The following SOX5 variants were observed in gnomAD, a reference collection of about 807,000 sequenced individuals.
SOX5 encodes the protein transcription factor SOX-5.
A neutral mutation model predicts 92.0 loss-of-function variants in SOX5; 9 were observed. That is an observed-to-expected ratio of 0.10 (90% CI 0.06 to 0.17). The LOEUF (loss-of-function observed/expected upper bound fraction) is 0.17. SOX5 is among the 10% of genes least tolerant of loss of function. SOX5 has a pLI of 1.00. For synonymous variants in SOX5, 344 were observed against 336.3 expected (o/e 1.02, Z -0.25); for missense variants, 642 against 944.5 (o/e 0.68, Z 4.20).
chr12:23,899,344 T>C (rs1419085731), intron 1 of SOX5, among the ~76,000 whole-genome samples: 1 of 146,440 alleles, frequency 6.8e-6, no homozygotes, highest in Non-Finnish European at 1.5e-5. Context: ...GAGGTTGTAG[T>C]GAGCCGAGAT....
chr12:23,736,138 A>G lies in SOX5; in HGVS notation c.742-1386T>C, dbSNP rs539104204. Reference sequence around the variant, plus strand: ...TTCTAGATCTCATTCTCATCAAGTAATAGTCACTAACATTTTTATTAAAAA... The same window carrying G: ...TTCTAGATCTCATTCTCATCAAGTAGTAGTCACTAACATTTTTATTAAAAA... On this transcript the variant is annotated intron_variant, in intron 5 of 14. Coordinates refer to ENST00000451604, the MANE Select transcript of SOX5 (RefSeq NM_006940.6). Among the ~76,000 whole-genome samples the G allele has an allele frequency of 1.1e-4, 17 of 151,946 alleles. No homozygotes were observed. The South Asian group carries it at 3.5e-3, about 32-fold the overall frequency.
chr12:24,112,929 T>C (rs2138178215), intron 4 of SOX5, among the ~76,000 whole-genome samples: 1 of 151,990 alleles, frequency 6.6e-6, no homozygotes, highest in East Asian at 1.9e-4. Flanking sequence ...TATGTGGAAG[T>C]TTATTCTTAT....
At chr12:23,656,974 AT>A (rs1414179671) in intron 7 of SOX5, among the ~76,000 whole-genome samples, 2 of 152,080 alleles carry the variant, frequency 1.3e-5, no homozygotes, top group Non-Finnish European at 2.9e-5. Flanking sequence ...TAGAAAAAAA[AT>A]ATGAAGGGTA....
In SOX5 at chr12:24,053,519, G is replaced by A. The variant is rs571865066; in HGVS notation, c.-1-157495C>T. 7.0e-4 allele frequency among the ~76,000 whole-genome samples: 107 copies of A among 152,222 alleles called. 1 individual carries two copies. Among genetic ancestry groups the A allele is most frequent in the African/African-American group, 1.9e-3 (79 of 41,546 alleles). The stretch of plus-strand genomic sequence containing the variant: ...ACCTAGACAATATAAAATGGGCACT[G>A]TTTACTCTATAAAGAAGAGATCCTT... On this transcript the variant is annotated intron_variant, in intron 4 of 4. Coordinates refer to the SOX5 transcript ENST00000446891.
chr12:24,056,537 T>A (rs1255886166), intron 4 of SOX5, among the ~76,000 whole-genome samples: 2 of 152,172 alleles, frequency 1.3e-5, no homozygotes, highest in African/African-American at 4.8e-5. Flanking sequence ...CCTTAATCTT[T>A]CCAAAGTAAT....
At chr12:23,607,299 C>T (rs79136346) in intron 8 of SOX5, among the ~76,000 whole-genome samples, 2,156 of 152,190 alleles carry the variant, frequency 0.014, 42 homozygotes, top group African/African-American at 0.049. Flanking sequence ...AAATGAACCC[C>T]GTCTTAGAGA....
chr12:24,044,607 G>A (rs914084408), intron 4 of SOX5, among the ~76,000 whole-genome samples: 3 of 152,110 alleles, frequency 2.0e-5, no homozygotes, highest in South Asian at 4.1e-4. Context: ...ATGTTAAGTC[G>A]TATTTTATCC....
At chr12:23,998,695 G>C (rs1322922605) in intron 4 of SOX5, among the ~76,000 whole-genome samples, 4 of 151,390 alleles carry the variant, frequency 2.6e-5, no homozygotes, top group Non-Finnish European at 5.9e-5. Flanking sequence ...CCAGCTCCTT[G>C]GGAGGCTGAG....
chr12:24,546,455 A>G (rs963028703), intron 1 of SOX5, among the ~76,000 whole-genome samples: 4 of 152,150 alleles, frequency 2.6e-5, no homozygotes, highest in African/African-American at 9.7e-5. Flanking sequence ...TGCCCACCAC[A>G]CAGCCTCATC....
At chr12:24,247,190 A>C (rs977880489) in intron 3 of SOX5, among the ~76,000 whole-genome samples, 1 of 152,152 alleles carries the variant, frequency 6.6e-6, no homozygotes, top group Non-Finnish European at 1.5e-5. Flanking sequence ...GGGGAATAAA[A>C]GGCCTGATCC....
At chr12:23,621,799 C>A (rs1231178333) in intron 8 of SOX5, among the ~76,000 whole-genome samples, 1 of 152,116 alleles carries the variant, frequency 6.6e-6, no homozygotes, top group East Asian at 1.9e-4. Flanking sequence ...GCTATGAGAT[C>A]AACCCACCCT....
At chr12:23,833,823 A>C (rs1386865414) in intron 3 of SOX5, among the ~76,000 whole-genome samples, 1 of 151,928 alleles carries the variant, frequency 6.6e-6, no homozygotes, top group African/African-American at 2.4e-5. Flanking sequence ...GTAAAAGAAG[A>C]GTGTGAGGAT....
intron 4 of SOX5, among the ~76,000 whole-genome samples, chr12:24,156,525 C>A (rs539161652): frequency 6.6e-6 from 1 of 152,250 alleles, no homozygotes; most frequent in African/African-American, 2.4e-5. Context: ...TCCCTGATAT[C>A]AGTTTCCAGA....
At chr12:24,160,600 A>G (rs146039929) in intron 4 of SOX5, among the ~76,000 whole-genome samples, 1 of 152,176 alleles carries the variant, frequency 6.6e-6, no homozygotes, top group African/African-American at 2.4e-5. Context: ...GGACGAAGGA[A>G]GGTTAAAGAT....
intron 1 of SOX5, among the ~76,000 whole-genome samples, chr12:24,481,704 C>T (rs1204891432): frequency 6.6e-6 from 1 of 152,074 alleles, no homozygotes; most frequent in Non-Finnish European, 1.5e-5. Flanking sequence ...AAAAGCCTTG[C>T]CCAGGTTCCC....
intron 2 of SOX5, among the ~76,000 whole-genome samples, chr12:24,290,854 G>T (rs1050177390): frequency 1.3e-5 from 2 of 152,176 alleles, no homozygotes; most frequent in African/African-American, 4.8e-5. Context: ...TAATGAAGGC[G>T]AGTCTTAAAG....
intron 4 of SOX5, among the ~76,000 whole-genome samples, chr12:24,099,988 C>T (rs1482554600): frequency 6.6e-6 from 1 of 152,100 alleles, no homozygotes; most frequent in Non-Finnish European, 1.5e-5. Context: ...TGATGAGAAG[C>T]AAATTGTGTC....
intron 6 of SOX5, among the ~76,000 whole-genome samples, chr12:23,702,575 C>G (rs2090812769): frequency 6.6e-6 from 1 of 152,064 alleles, no homozygotes; most frequent in African/African-American, 2.4e-5. Flanking sequence ...AGCACAGTCT[C>G]TGGCCCTGGC....
chr12:24,240,790 T>C (rs1481938375), intron 3 of SOX5, among the ~76,000 whole-genome samples: 1 of 152,194 alleles, frequency 6.6e-6, no homozygotes, highest in African/African-American at 2.4e-5. Context: ...TATCAAACAA[T>C]ATCTACGGTG....
Sources: gnomAD v4.1 joint callset for allele counts (sites outside exome capture counted in the v4.1 genomes callset) on GRCh38, gnomAD v4.1.1 for gene constraint, MANE v1.5 for transcripts, NCBI Gene and HGNC (gene_info 2026-07-23, HGNC 2026-07-21) for gene names.